ZNF638: variants seen among roughly 807,000 people sequenced by gnomAD.
The protein encoded by ZNF638 is CTCL tumor antigen se33-1.
Under a neutral mutation model 195.6 loss-of-function variants are expected in ZNF638, and 46 were observed. That is an observed-to-expected ratio of 0.24 (90% CI 0.19 to 0.30). ZNF638 has a LOEUF of 0.30. ZNF638 is among the 10% of genes least tolerant of loss of function. The pLI is 1.00. For synonymous variants in ZNF638, 845 were observed against 772.0 expected (o/e 1.09, Z -1.57); for missense variants, 2,440 against 2,325.3 (o/e 1.05, Z -1.01).
chr2:71,344,525 T>C (rs2078819490), intron 1 of ZNF638, among the ~76,000 whole-genome samples: 1 of 117,460 alleles, frequency 8.5e-6, no homozygotes, highest in African/African-American at 2.9e-5. Flanking sequence ...CTGGCTGTAA[T>C]ATCTTTGGTC....
At chr2:71,434,098 A>C (rs2080719571) in intron 27 of ZNF638, among the ~76,000 whole-genome samples, 1 of 152,168 alleles carries the variant, frequency 6.6e-6, no homozygotes, top group Non-Finnish European at 1.5e-5. Context: ...TTCATATTGC[A>C]CTTGGTCTAA....
chr2:71,364,737 G>A (rs905818071), intron 5 of ZNF638, among the ~76,000 whole-genome samples: 7 of 152,116 alleles, frequency 4.6e-5, no homozygotes, highest in African/African-American at 1.7e-4. Context: ...ACTTTGCACA[G>A]GTCTTATTGT....
chr2:71,407,789 C>T (rs1434801455), intron 19 of ZNF638: 1 of 165,368 alleles, frequency 6.0e-6, no homozygotes, highest in Admixed American at 6.4e-5. Flanking sequence ...TTTTTTGTGA[C>T]TGGCTCATGT....
chr2:71,349,063 A>T lies in ZNF638; in HGVS notation c.109A>T (p.Met37Leu). 1.2e-6 allele frequency: 2 copies of T among 1,614,212 alleles called. No homozygotes were observed. Among genetic ancestry groups the T allele is most frequent in the Middle Eastern group, 1.6e-4 (1 of 6,062 alleles). Residue 37 changes from methionine to leucine, a missense_variant, in exon 2 of 28, where the codon ATG (methionine) becomes TTG (leucine). Transcript: ENST00000264447. ...AGGACCATTTATGAGGCCTGGATCT[A>T]TGGGTCTCCCAAGATTTTACCCAGC... ...PPGPFMRPGS[M>L]GLPRFYPAGR...
chr2:71,382,319 A>C (rs1441628816), intron 10 of ZNF638, among the ~76,000 whole-genome samples: 4 of 152,146 alleles, frequency 2.6e-5, no homozygotes, highest in Non-Finnish European at 4.4e-5. Flanking sequence ...TTTTAAGTTT[A>C]AGGTCTAAAT....
intron 3 of ZNF638, 151 bp from the exon 4 acceptor site, chr2:71,363,002 A>G (rs554291010): frequency 3.0e-6 from 2 of 676,694 alleles, no homozygotes; most frequent in East Asian, 5.6e-5. Context: ...TATTAGCATA[A>G]TACTTTGATT....
chr2:71,397,995 T>A (rs949334552), intron 11 of ZNF638, among the ~76,000 whole-genome samples: 8 of 152,166 alleles, frequency 5.3e-5, no homozygotes, highest in African/African-American at 1.9e-4. Flanking sequence ...GAAGTGTGGG[T>A]TGGGAGGATC....
chr2:71,358,752 T>C (rs151304338), intron 3 of ZNF638, among the ~76,000 whole-genome samples: 1 of 152,326 alleles, frequency 6.6e-6, no homozygotes, highest in East Asian at 1.9e-4. Flanking sequence ...GGCCTCCCTC[T>C]TCCCTTGTCT....
At chr2:71,400,243 T>G in intron 14 of ZNF638, 63 bp downstream of exon 14, 2 of 1,313,528 alleles carry the variant, frequency 1.5e-6, no homozygotes, top group Non-Finnish European at 2.1e-6. Flanking sequence ...CATACCTAAG[T>G]GAAATTAAGA....
intron 26 of ZNF638, 89 bp downstream of exon 26, chr2:71,431,517 C>G: frequency 2.6e-6 from 3 of 1,137,768 alleles, no homozygotes; most frequent in Non-Finnish European, 2.6e-6. Flanking sequence ...CCCAGCACTT[C>G]GGGAGGCCGA....
intron 20 of ZNF638, chr2:71,408,488 A>ATAG: frequency 2.4e-6 from 1 of 419,972 alleles, no homozygotes; most frequent in South Asian, 3.0e-5. Flanking sequence ...ACATGTAGGT[A>ATAG]TCTACATTTT....
chr2:71,372,670 G>A (rs2079335585), intron 8 of ZNF638, among the ~76,000 whole-genome samples: 1 of 152,164 alleles, frequency 6.6e-6, no homozygotes, highest in African/African-American at 2.4e-5. Flanking sequence ...GTTAAAATTT[G>A]GTGTTCCTGC....
In ZNF638 at chr2:71,424,572, T is replaced by A. The variant is rs75730768; in HGVS notation, c.4525-78T>A. 1.8e-5 allele frequency: 22 copies of A among 1,242,132 alleles called. No individual in the cohort carries two copies. The Admixed American group carries it at 4.6e-4, about 26-fold the overall frequency. 76.9% of individuals were successfully genotyped at this position (1,242,132 alleles called of 1,614,324 possible). On this transcript the variant is annotated intron_variant, in intron 22 of 27. Coordinates refer to ENST00000264447, the MANE Select transcript of ZNF638 (RefSeq NM_014497.5). ...GGGTAATGTTTACTGTTTTTTTTTGTTTTTTGTTTTTTTTTCCAGAACATT... is the reference window on the plus strand; with the variant it reads ...GGGTAATGTTTACTGTTTTTTTTTGATTTTTGTTTTTTTTTCCAGAACATT...
At chr2:71,360,478 C>A (rs188038703) in intron 3 of ZNF638, among the ~76,000 whole-genome samples, 1 of 152,196 alleles carries the variant, frequency 6.6e-6, no homozygotes, top group Admixed American at 6.5e-5. Context: ...CTTGTTTGCC[C>A]CATCCATACC....
chr2:71,349,700 C>A lies in ZNF638; in HGVS notation c.746C>A (p.Ser249Tyr). The change falls in exon 2 of 28, where the codon TCT becomes TAT. Residue 249 changes from serine (S) to tyrosine (Y), a missense_variant. Physicochemically the swap from Ser to Tyr is moderately radical, Grantham distance 144. Around this residue, in one of 5 missense-constraint regions of ZNF638, gnomAD observed 305 missense variants for 283.6 expected, o/e 1.08. Coordinates refer to ENST00000264447, the MANE Select transcript of ZNF638 (RefSeq NM_014497.5). The part of the protein sequence containing the change: ...ENEFQSQQNI[S>Y]ASVPNPNVIC... ...GAATTTCAGTCACAGCAGAACATTT[C>A]TGCATCTGTTCCCAATCCAAATGTG... 2 of 1,614,216 alleles carry A rather than the reference C, an allele frequency of 1.2e-6. No individual in the cohort carries two copies. The highest frequency in any genetic ancestry group is 1.7e-6 in the Non-Finnish European group (2 of 1,180,046).
At chr2:71,332,439 G>C (rs374854243) in intron 1 of ZNF638, among the ~76,000 whole-genome samples, 1 of 152,318 alleles carries the variant, frequency 6.6e-6, no homozygotes, top group East Asian at 1.9e-4. Flanking sequence ...GATGAAGGAG[G>C]GAATGTTAGG....
chr2:71,399,858 C>T (rs2079970909), intron 13 of ZNF638, among the ~76,000 whole-genome samples: 3 of 152,130 alleles, frequency 2.0e-5, no homozygotes, highest in Admixed American at 2.0e-4. Context: ...TTCCAATAGG[C>T]CCCAGTGTGT....
intron 2 of ZNF638, among the ~76,000 whole-genome samples, chr2:71,351,581 T>C (rs1247325843): frequency 1.3e-5 from 2 of 152,202 alleles, no homozygotes; most frequent in African/African-American, 4.8e-5. Flanking sequence ...GAACTTTTAA[T>C]TAATCATAAT....
intron 1 of ZNF638, among the ~76,000 whole-genome samples, chr2:71,339,870 C>G (rs971944441): frequency 2.0e-5 from 3 of 152,178 alleles, no homozygotes; most frequent in African/African-American, 7.2e-5. Flanking sequence ...AGCAAGGCCA[C>G]CAGTGCACAT....
Sources: allele counts gnomAD v4.1 joint callset (sites outside exome capture counted in the v4.1 genomes callset), GRCh38; gene constraint gnomAD v4.1.1; regional missense constraint gnomAD v4.1.1; transcripts MANE v1.5; gene names NCBI Gene and HGNC (gene_info 2026-07-23, HGNC 2026-07-21).